HSPG2: variants seen among roughly 807,000 people sequenced by gnomAD.
HSPG2 encodes basement membrane-specific heparan sulfate proteoglycan core protein.
Under a neutral mutation model 526.6 loss-of-function variants are expected in HSPG2, and 278 were observed. That is an observed-to-expected ratio of 0.53 (90% confidence interval 0.48 to 0.58). The LOEUF is 0.58. HSPG2 is among the 20% of genes least tolerant of loss of function. The probability of loss-of-function intolerance (pLI) is 0.00; values close to 1 mark genes in which losing one functional copy is unlikely to be tolerated. For synonymous variants in HSPG2, 2,465 were observed against 2,555.4 expected, an observed-to-expected ratio of 0.96 and a Z score of 1.07; for missense variants, 5,354 against 6,099.5, an observed-to-expected ratio of 0.88 and a Z score of 4.07.
chr1:21,832,506 C>T lies in HSPG2; in HGVS notation c.11196G>A (p.Arg3732=). 2 of 1,614,096 alleles carry T rather than the reference C, an allele frequency of 1.2e-6. No homozygotes were observed. Among genetic ancestry groups the T allele is most frequent in the South Asian group, 1.1e-5 (1 of 91,090 alleles). The change falls in exon 81 of 97, where the codon AGG becomes AGA. Residue 3732 remains arginine (R), a synonymous_variant. Transcript: ENST00000374695. ...DFISFGLVGG[R]PEFRFDAGSG... is the part of the protein sequence containing the mutation. ...GCTGGGGGTCTCACCGGAACTCGGG[C>T]CTTCCCCCCACGAGGCCGAAGGAGA...
rs1423542807 is a variant in HSPG2, at chr1:21,847,163, G to A, written c.8164+191C>T. Among the ~76,000 whole-genome samples, 2 of 152,240 alleles carry A rather than the reference G, an allele frequency of 1.3e-5. No homozygotes were observed. Among genetic ancestry groups the A allele is most frequent in the African/African-American group, 4.8e-5 (2 of 41,460 alleles). ...TTTATCTGCACAGGCCAAGTCAGTGGCTGCAAGCCACACGTGGCTATTGAG... is the reference window on the plus strand; with the variant it reads ...TTTATCTGCACAGGCCAAGTCAGTGACTGCAAGCCACACGTGGCTATTGAG... On this transcript the variant is annotated intron_variant, in intron 62 of 96. Coordinates refer to ENST00000374695, the MANE Select transcript of HSPG2 (RefSeq NM_005529.7). The surrounding 1 kb of genome is among the most constrained non-coding windows in gnomAD (Gnocchi z 4.1).
intron 1 of HSPG2, among the ~76,000 whole-genome samples, chr1:21,931,596 T>A (rs1416294742): frequency 6.6e-6 from 1 of 152,122 alleles, no homozygotes; most frequent in Non-Finnish European, 1.5e-5. Context: ...TAGCTGGGAC[T>A]GGATTGGGTG....
intron 1 of HSPG2, among the ~76,000 whole-genome samples, chr1:21,896,946 G>GT (rs1642795066): frequency 6.6e-6 from 1 of 152,234 alleles, no homozygotes; most frequent in African/African-American, 2.4e-5. Context: ...CGCGGAGGCA[G>GT]AGCTCAGTAT....
At chr1:21,921,895 T>C (rs757273922) in intron 1 of HSPG2, among the ~76,000 whole-genome samples, 3 of 152,116 alleles carry the variant, frequency 2.0e-5, no homozygotes, top group Non-Finnish European at 4.4e-5. Flanking sequence ...TCACACTCCT[T>C]CCCACCTTGC....
intron 3 of HSPG2, among the ~76,000 whole-genome samples, chr1:21,891,898 C>T (rs1273997791): frequency 3.3e-5 from 5 of 152,106 alleles, no homozygotes; most frequent in Admixed American, 2.6e-4. Context: ...TCTTAAGCAC[C>T]GACTATATAT....
intron 66 of HSPG2, 35 bp from the exon 67 acceptor site, chr1:21,842,956 C>A: frequency 6.2e-7 from 1 of 1,612,992 alleles, no homozygotes; most frequent in Non-Finnish European, 8.5e-7. Context: ...AGAGGCCAGG[C>A]TCCGGGGATC....
Position 21,864,130 on chromosome 1 carries a change from G to A in HSPG2, c.4710C>T (p.Asp1570=), listed in dbSNP as rs1403365550. ...CELCECNGHS[D]LCHPETGACS... The stretch of plus-strand genomic sequence containing the variant: ...AGGCCCCAGTCTCTGGGTGGCACAG[G>A]TCTGAGTGGCCATTGCATTCACATA... Residue 1570 remains aspartate (D), a synonymous_variant, in exon 37 of 97, where the codon GAC becomes GAT. Transcript: ENST00000374695. This position sits in a 1 kb window ranked among gnomAD's most constrained non-coding sequence, Gnocchi z 4.8. The A allele has an allele frequency of 3.2e-6, 5 of 1,556,372 alleles. No individual in the cohort carries two copies.
At chr1:21,901,788 G>C (rs921168186) in intron 1 of HSPG2, among the ~76,000 whole-genome samples, 3 of 152,074 alleles carry the variant, frequency 2.0e-5, no homozygotes, top group Admixed American at 1.3e-4. Context: ...GTGCAGGGGC[G>C]GGGGGACAAA....
rs753636107 is a variant in HSPG2, at chr1:21,885,425, C to T, written c.1105G>A (p.Gly369Arg). 1.9e-5 allele frequency: 30 copies of T among 1,613,930 alleles called. No individual in the cohort carries two copies. Among genetic ancestry groups the T allele is most frequent in the African/African-American group, 5.3e-5 (4 of 74,906 alleles). Residue 369 changes from glycine to arginine, a missense_variant, in exon 10 of 97, where the codon GGG (glycine) becomes AGG (arginine). Coordinates refer to ENST00000374695, the MANE Select transcript of HSPG2 (RefSeq NM_005529.7). ...GAGACGCATCGGAACTGTGTGGGCC[C>T]GCACACTTCCTCAGGACGCTTGGTG... ...CPTKRPEEVC[G>R]PTQFRCVSTN... is the part of the protein sequence containing the mutation.
chr1:21,850,391 G>A lies in HSPG2; in HGVS notation c.7266C>T (p.Val2422=). 1 of 1,610,424 alleles carries A rather than the reference G, an allele frequency of 6.2e-7. No homozygotes were observed. Among genetic ancestry groups the A allele is most frequent in the Non-Finnish European group, 8.5e-7 (1 of 1,178,698 alleles). Residue 2422 remains valine (V), a synonymous_variant, in exon 56 of 97, where the codon GTC becomes GTT. Transcript: ENST00000374695. ...SSVPLEASVL[V]TIEPAGSVPA... ...GCACTGAGCCCGCAGGCTCAATGGTGACCAGGACAGAGGCCTCTAGAGGCA... is the reference window on the plus strand; with the variant it reads ...GCACTGAGCCCGCAGGCTCAATGGTAACCAGGACAGAGGCCTCTAGAGGCA...
chr1:21,826,666 C>T lies in HSPG2; in HGVS notation c.12589+1197G>A, dbSNP rs928263558. Among the ~76,000 whole-genome samples the T allele has an allele frequency of 3.3e-5, 5 of 152,144 alleles. No individual in the cohort carries two copies. In the South Asian group the frequency reaches 6.2e-4, roughly 19 times the overall value. On this transcript the variant is annotated intron_variant, in intron 91 of 96. Transcript: ENST00000374695. ...CTGGGATTATAGGCATGTGCCACCACGCCCAGCTAATTTTGTATTTTTAGT... is the reference window on the plus strand; with the variant it reads ...CTGGGATTATAGGCATGTGCCACCATGCCCAGCTAATTTTGTATTTTTAGT...
In HSPG2 at chr1:21,851,633, G is replaced by T; in HGVS notation, c.7071C>A (p.Thr2357=). 2 of 1,613,992 alleles carry T rather than the reference G, an allele frequency of 1.2e-6. No homozygotes were observed. Among genetic ancestry groups the T allele is most frequent in the Non-Finnish European group, 1.7e-6 (2 of 1,180,030 alleles). Residue 2357 remains threonine (T), a synonymous_variant, in exon 55 of 97, where the codon ACC becomes ACA. Transcript: ENST00000374695. ...PSSSQVAEGQ[T]LDLNCVVPGQ... is the part of the protein sequence containing the mutation. ...CGGGCACCACGCAGTTCAGATCCAGGGTCTGCCCTTCCGCCACTTGCGAGG... is the reference window on the plus strand; with the variant it reads ...CGGGCACCACGCAGTTCAGATCCAGTGTCTGCCCTTCCGCCACTTGCGAGG...
At chr1:21,873,524 T>C in intron 29 of HSPG2, 100 bp from the exon 30 acceptor site, 1 of 1,171,448 alleles carries the variant, frequency 8.5e-7, no homozygotes, top group African/African-American at 1.5e-5. Context: ...CCTCATGCAC[T>C]GGAAGAAAAG....
At chr1:21,909,935 C>A (rs1643575177) in intron 1 of HSPG2, among the ~76,000 whole-genome samples, 1 of 152,214 alleles carries the variant, frequency 6.6e-6, no homozygotes, top group African/African-American at 2.4e-5. Context: ...CCCCCACCCA[C>A]CAGGCTCCCC....
rs189089389 is a variant in HSPG2 at position 21,880,810 on chromosome 1, C to T, written c.1844G>A (p.Arg615His). 129 of 1,592,314 alleles carry T rather than the reference C, an allele frequency of 8.1e-5. No individual in the cohort carries two copies. The highest frequency in any genetic ancestry group is 3.7e-4 in the Admixed American group (21 of 57,190). Residue 615 changes from arginine to histidine, a missense_variant, in exon 15 of 97, where the codon CGT (arginine) becomes CAT (histidine). Physicochemically the swap from Arg to His is conservative, Grantham distance 29 (BLOSUM62 0). Coordinates refer to ENST00000374695, the MANE Select transcript of HSPG2 (RefSeq NM_005529.7). ...NKVDSYGGSL[R>H]YNVRYELARG... ...GGCCAACTCGTAGCGCACGTTGTAA[C>T]GCAGGGAGCCGCCATAGGAGTCCAC...
Position 21,890,949 on chromosome 1 carries a change from C to A in HSPG2, c.245-255G>T, listed in dbSNP as rs967847928. ...CTGATCCAGAAACCAAGTGCTAGTG[C>A]AAAAGAGGAGACCCCCACAGTTCAG... On this transcript the variant is annotated intron_variant, in intron 3 of 96. Transcript: ENST00000374695. The surrounding 1 kb of genome is among the most constrained non-coding windows in gnomAD (Gnocchi z 4.1). Among the ~76,000 whole-genome samples the A allele has an allele frequency of 2.0e-5, 3 of 152,218 alleles. No homozygotes were observed. Among genetic ancestry groups the A allele is most frequent in the Admixed American group, 6.5e-5 (1 of 15,286 alleles).
At chr1:21,908,419 C>T (rs1368184377) in intron 1 of HSPG2, 13 of 887,750 alleles carry the variant, frequency 1.5e-5, no homozygotes, top group South Asian at 6.7e-5. Context: ...CTTCCTGAAA[C>T]GCGTGAAGGA....
Position 21,831,290 on chromosome 1 carries a change from C to A in HSPG2, c.11487G>T (p.Glu3829Asp), listed in dbSNP as rs1172272930. 1 of 1,614,060 alleles carries A rather than the reference C, an allele frequency of 6.2e-7. No homozygotes were observed. The change falls in exon 84 of 97, where the codon GAG becomes GAT. Residue 3829 changes from glutamate (E) to aspartate (D), a missense_variant. Physicochemically the swap from Glu to Asp is conservative, Grantham distance 45 (BLOSUM62 2). Transcript: ENST00000374695. The part of the protein sequence containing the change: ...CVRELRIQGE[E>D]IVFHDLNLTA... ...TGAGGTTGAGGTCATGGAAGACGAT[C>A]TCCTCGCCCTGGATGCGCAGCTCCC...
At chr1:21,915,275 G>T (rs1368776912) in intron 1 of HSPG2, among the ~76,000 whole-genome samples, 1 of 152,248 alleles carries the variant, frequency 6.6e-6, no homozygotes, top group Admixed American at 6.5e-5. Flanking sequence ...GGGAGCTGGG[G>T]ACTAGGGACT....
Sources: gnomAD v4.1 joint callset for allele counts (sites outside exome capture counted in the v4.1 genomes callset) on GRCh38, gnomAD v4.1.1 for gene constraint, Gnocchi (gnomAD v3.1) non-coding constraint, MANE v1.5 for transcripts, NCBI Gene and HGNC (gene_info 2026-07-23, HGNC 2026-07-21) for gene names.